Variants in CERT1 observed in about 807,000 individuals in gnomAD.
CERT1 encodes the protein ceramide transfer protein.
Under a neutral mutation model 87.9 loss-of-function variants are expected in CERT1, and 31 were observed. The ratio of observed to expected loss-of-function variants is 0.35; its 90% confidence interval spans 0.27 to 0.48. The LOEUF (loss-of-function observed/expected upper bound fraction) is 0.48. Ranked by LOEUF, CERT1 falls within the 20% of genes least tolerant of loss-of-function variation. CERT1 has a pLI of 0.99. For synonymous variants in CERT1, 289 were observed against 250.9 expected, an observed-to-expected ratio of 1.15 and a Z score of -1.44; for missense variants, 487 against 758.0, an observed-to-expected ratio of 0.64 and a Z score of 4.20.
chr5:75,375,631 A>AAATAAAT (rs1554033229), downstream of CERT1: 1 of 136,162 alleles, frequency 7.3e-6, no homozygotes, highest in East Asian at 2.0e-4. Flanking sequence ...ATAAATAAAT[A>AAATAAAT]AAATAAATAA....
intron 17 of CERT1, chr5:75,369,179 G>C (rs1384124776): frequency 3.3e-5 from 5 of 152,314 alleles, no homozygotes; most frequent in African/African-American, 1.2e-4. Context: ...GTCTTCCAAA[G>C]TGCTGGGATT....
intron 5 of CERT1, among the ~76,000 whole-genome samples, chr5:75,422,856 T>C (rs1263067788): frequency 6.6e-6 from 1 of 152,116 alleles, no homozygotes; most frequent in Non-Finnish European, 1.5e-5. Context: ...AGAAGAAATT[T>C]GGACACAGAC....
chr5:75,477,237 T>C (rs752475885), intron 2 of CERT1, among the ~76,000 whole-genome samples: 8 of 152,178 alleles, frequency 5.3e-5, no homozygotes, highest in Non-Finnish European at 5.9e-5. Flanking sequence ...AGTAAATTTC[T>C]AAATGTCTTG....
chr5:75,505,959 A>G (rs1002091144), intron 2 of CERT1, 23 bp downstream of exon 2: 13 of 1,599,842 alleles, frequency 8.1e-6, no homozygotes, highest in Non-Finnish European at 1.1e-5. Flanking sequence ...ATATTTGTTG[A>G]ATGAAGAAGA....
At chr5:75,393,345 C>T (rs1012849820) in intron 11 of CERT1, among the ~76,000 whole-genome samples, 11 of 151,604 alleles carry the variant, frequency 7.3e-5, no homozygotes, top group Admixed American at 6.6e-4. Context: ...TAAGAGGGGA[C>T]GTTCACTCCA....
At chr5:75,476,485 T>A (rs927042602) in intron 2 of CERT1, among the ~76,000 whole-genome samples, 37 of 152,174 alleles carry the variant, frequency 2.4e-4, no homozygotes, top group Non-Finnish European at 3.8e-4. Context: ...AGCCGCTCTT[T>A]CCTCTTCCTA....
At chr5:75,507,448 T>G (rs1767704715) in intron 1 of CERT1, among the ~76,000 whole-genome samples, 1 of 152,138 alleles carries the variant, frequency 6.6e-6, no homozygotes, top group South Asian at 2.1e-4. Flanking sequence ...ACAACCACTC[T>G]CTGAGAACTC....
intron 7 of CERT1, among the ~76,000 whole-genome samples, chr5:75,415,507 T>C (rs1763099633): frequency 6.6e-6 from 1 of 152,190 alleles, no homozygotes; most frequent in African/African-American, 2.4e-5. Flanking sequence ...TATCTCCCCT[T>C]TTCAACATGG....
intron 7 of CERT1, 58 bp from the exon 8 acceptor site, chr5:75,411,161 G>A: frequency 1.1e-6 from 1 of 911,812 alleles, no homozygotes; most frequent in Non-Finnish European, 1.7e-6. Flanking sequence ...TTACAATGAA[G>A]TCTTTTAGGT....
chr5:75,388,155 A>G (rs1761876262), intron 12 of CERT1, among the ~76,000 whole-genome samples: 1 of 152,222 alleles, frequency 6.6e-6, no homozygotes, highest in African/African-American at 2.4e-5. Flanking sequence ...TGGAGTAACA[A>G]GACCCTGTAG....
chr5:75,437,340 C>T (rs1328868698), intron 3 of CERT1, among the ~76,000 whole-genome samples: 4 of 152,098 alleles, frequency 2.6e-5, no homozygotes, highest in South Asian at 2.1e-4. Context: ...TCAGCAAAAT[C>T]GATGCAACAC....
intron 2 of CERT1, among the ~76,000 whole-genome samples, chr5:75,487,130 C>A (rs1027995252): frequency 6.6e-6 from 1 of 152,074 alleles, no homozygotes; most frequent in South Asian, 2.1e-4. Flanking sequence ...GGCATATAAA[C>A]AGATATACAG....
intron 2 of CERT1, among the ~76,000 whole-genome samples, chr5:75,478,786 C>G (rs1455864123): frequency 6.6e-6 from 1 of 151,592 alleles, no homozygotes; most frequent in African/African-American, 2.4e-5. Flanking sequence ...CCCTCTACCC[C>G]CTATCTGATA....
Position 75,379,142 on chromosome 5 carries a change from A to G in CERT1, c.*204T>C. 2.0e-6 allele frequency: 1 copy of G among 508,580 alleles called. No homozygotes were observed. The highest frequency in any genetic ancestry group is 3.5e-6 in the Non-Finnish European group (1 of 286,448). 31.5% of individuals were successfully genotyped at this position (508,580 alleles called of 1,614,324 possible). ...GGTTGCAGTGAGCCGTGATGGTGTCATTGCACTTCAGCTTAGGAAACAGAG... is the reference window on the plus strand; with the variant it reads ...GGTTGCAGTGAGCCGTGATGGTGTCGTTGCACTTCAGCTTAGGAAACAGAG... On this transcript the variant is annotated 3_prime_UTR_variant, in exon 17 of 17. Transcript: ENST00000643780.
chr5:75,443,295 T>C (rs1253437144), intron 3 of CERT1, among the ~76,000 whole-genome samples: 1 of 152,216 alleles, frequency 6.6e-6, no homozygotes, highest in South Asian at 2.1e-4. Flanking sequence ...TTTGTAAAGC[T>C]ATGTTGTTGA....
chr5:75,372,610 C>T (rs1201934347), intron 17 of CERT1: 2 of 152,098 alleles, frequency 1.3e-5, no homozygotes, highest in Non-Finnish European at 2.9e-5. Context: ...ATGAAATCCG[C>T]GTGCATGTAA....
intron 2 of CERT1, among the ~76,000 whole-genome samples, chr5:75,462,840 A>G (rs1242933964): frequency 6.6e-6 from 1 of 151,822 alleles, no homozygotes; most frequent in Non-Finnish European, 1.5e-5. Flanking sequence ...AAAAATACAA[A>G]AATTAGCTGG....
At chr5:75,496,750 A>G (rs905754791) in intron 2 of CERT1, among the ~76,000 whole-genome samples, 1 of 152,220 alleles carries the variant, frequency 6.6e-6, no homozygotes, top group African/African-American at 2.4e-5. Flanking sequence ...CCATGTATAT[A>G]ATATGCTGCA....
intron 11 of CERT1, among the ~76,000 whole-genome samples, chr5:75,394,719 G>C (rs1351257245): frequency 3.3e-5 from 5 of 151,828 alleles, no homozygotes; most frequent in African/African-American, 1.2e-4. Context: ...GCAAAACCCT[G>C]TATCAAAATT....
Sources: gnomAD v4.1 joint callset for allele counts (sites outside exome capture counted in the v4.1 genomes callset) on GRCh38, gnomAD v4.1.1 for gene constraint, MANE v1.5 for transcripts, NCBI Gene and HGNC (gene_info 2026-07-23, HGNC 2026-07-21) for gene names.